The following PID1 variants were observed in gnomAD, a reference collection of about 807,000 sequenced individuals.
The protein encoded by PID1 is phosphotyrosine interaction domain containing 1.
PID1 carries 10 observed loss-of-function variants against 19.1 expected under a neutral mutation model. That is an observed-to-expected ratio of 0.52 (90% CI 0.32 to 0.89). The LOEUF is 0.89. Among genes scored for constraint, PID1 ranks in the 40% least tolerant of loss-of-function variants. PID1 has a pLI of 0.03. For synonymous variants in PID1, 130 were observed against 116.0 expected (o/e 1.12, Z -0.78); for missense variants, 248 against 285.3 (o/e 0.87, Z 0.94).
chr2:229,064,226 G>A (rs1217740058), intron 2 of PID1, among the ~76,000 whole-genome samples: 1 of 152,130 alleles, frequency 6.6e-6, no homozygotes, highest in African/African-American at 2.4e-5. Flanking sequence ...AGAGGCTATT[G>A]CAGTAGTTAC....
At chr2:229,065,604 C>G (rs1056755343) in intron 2 of PID1, among the ~76,000 whole-genome samples, 6 of 148,020 alleles carry the variant, frequency 4.1e-5, no homozygotes, top group Non-Finnish European at 8.9e-5. Flanking sequence ...CAATTAAAAC[C>G]ATAAGGGAGC....
chr2:229,165,176 T>A (rs1191632933), intron 1 of PID1, among the ~76,000 whole-genome samples: 1 of 152,144 alleles, frequency 6.6e-6, no homozygotes, highest in African/African-American at 2.4e-5. Context: ...AAAGGAAGAT[T>A]CAAAGGATCA....
At position 229,116,718 on chromosome 2, in the gene PID1, G is replaced by A. The variant is rs1574642069; in HGVS notation, c.177+39100C>T. Among the ~76,000 whole-genome samples, 6 of 152,278 alleles carry A rather than the reference G, an allele frequency of 3.9e-5. No homozygotes were observed. The South Asian group carries it at 1.2e-3, about 32-fold the overall frequency. On this transcript the variant is annotated intron_variant, in intron 2 of 2. Transcript: ENST00000392055. ...CCCAACCATGCAGAACTGTGAGTCAGTTAAACCTCTTTCCTTTATAAATTA... is the reference window on the plus strand; with the variant it reads ...CCCAACCATGCAGAACTGTGAGTCAATTAAACCTCTTTCCTTTATAAATTA...
At chr2:229,135,076 GAGGAGGGAAAGATGTGAGAAAGGA>G (rs1287325786) in intron 2 of PID1, among the ~76,000 whole-genome samples, 3 of 152,186 alleles carry the variant, frequency 2.0e-5, no homozygotes, top group Non-Finnish European at 2.9e-5. Context: ...GGAAAGAGAA[GAGGAGGGAAAGATGTGAGAAAGGA>G]AGGAGGGAAT....
intron 2 of PID1, among the ~76,000 whole-genome samples, chr2:229,126,655 T>C (rs577341627): frequency 1.3e-5 from 2 of 152,170 alleles, no homozygotes; most frequent in African/African-American, 4.8e-5. Context: ...CAGAAGAGAG[T>C]ACATACAAAT....
At chr2:229,072,781 C>T (rs1694483635) in intron 2 of PID1, among the ~76,000 whole-genome samples, 1 of 152,102 alleles carries the variant, frequency 6.6e-6, no homozygotes, top group Non-Finnish European at 1.5e-5. Context: ...GCTTTATGTG[C>T]CCCCATGAAC....
At chr2:229,034,075 C>T (rs949866271) in intron 2 of PID1, among the ~76,000 whole-genome samples, 3 of 152,136 alleles carry the variant, frequency 2.0e-5, no homozygotes, top group African/African-American at 4.8e-5. Flanking sequence ...AACACTGACT[C>T]GATAATTATG....
At chr2:229,048,721 T>C (rs1693932936) in intron 2 of PID1, among the ~76,000 whole-genome samples, 1 of 152,224 alleles carries the variant, frequency 6.6e-6, no homozygotes, top group South Asian at 2.1e-4. Context: ...TTAACTTTTC[T>C]AAATGTAAAA....
chr2:229,126,764 A>T (rs1695630790), intron 2 of PID1, among the ~76,000 whole-genome samples: 1 of 152,250 alleles, frequency 6.6e-6, no homozygotes, highest in Non-Finnish European at 1.5e-5. Context: ...AATCCCAGTC[A>T]GCTAGCCACA....
Position 229,155,929 on chromosome 2 carries a change from G to A in PID1, c.66C>T (p.Val22=). The A allele has an allele frequency of 6.2e-7, 1 of 1,613,974 alleles. No homozygotes were observed. Among genetic ancestry groups the A allele is most frequent in the East Asian group, 2.2e-5 (1 of 44,880 alleles). The part of the protein sequence containing the change: ...FQTMLKSKLN[V]LTLKKEPLPA... ...GGAGAGGTTCCTTTTTCAGTGTTAA[G>A]ACATTCAATTTAGACTTCAGCATGG... The change falls in exon 2 of 3, where the codon GTC becomes GTT. Residue 22 remains valine (V), a synonymous_variant. Transcript: ENST00000392055.
At chr2:229,170,957 C>G (rs549676058) in intron 1 of PID1, among the ~76,000 whole-genome samples, 59 of 152,266 alleles carry the variant, frequency 3.9e-4, no homozygotes, top group African/African-American at 1.4e-3. Context: ...ATTTAGAAAC[C>G]AGACCAAATG....
rs1281758475 is a variant in PID1, at chr2:229,033,096, T to G, written c.178-6988A>C. Among the ~76,000 whole-genome samples the G allele has an allele frequency of 1.3e-5, 2 of 152,174 alleles. 1 individual carries two copies. On this transcript the variant is annotated intron_variant, in intron 2 of 2. Coordinates refer to ENST00000392055, the MANE Select transcript of PID1 (RefSeq NM_001100818.2). ...TATCCTTCTGGTTGAGCAGTACCAT[T>G]TGTTTCCCCTGGTGGCCGGTCGCTA... is the stretch of plus-strand genomic sequence containing the variant.
intron 2 of PID1, among the ~76,000 whole-genome samples, chr2:229,032,996 C>T (rs1238766648): frequency 6.6e-6 from 1 of 152,148 alleles, no homozygotes; most frequent in Admixed American, 6.5e-5. Context: ...TTTTCCAACA[C>T]CCCAGCCAGC....
rs142556071 is a variant in PID1 at position 229,112,056 on chromosome 2, G to A, written c.177+43762C>T. On this transcript the variant is annotated intron_variant, in intron 2 of 2. Coordinates refer to ENST00000392055, the MANE Select transcript of PID1 (RefSeq NM_001100818.2). ...CTGCACGACAGTAAATTAGCACATC[G>A]CTCCAATTATTGGATAGCATGTGAT... Among the ~76,000 whole-genome samples, 190 of 152,288 alleles carry A rather than the reference G, an allele frequency of 1.2e-3. 2 individuals carry two copies. The highest frequency in any genetic ancestry group is 4.0e-3 in the African/African-American group (166 of 41,544).
At chr2:229,130,978 C>T (rs1689727275) in intron 2 of PID1, among the ~76,000 whole-genome samples, 1 of 152,148 alleles carries the variant, frequency 6.6e-6, no homozygotes, top group South Asian at 2.1e-4. Context: ...GGGTGCACGC[C>T]TGTGCCCAAA....
At chr2:229,099,353 C>T (rs1471848840) in intron 2 of PID1, among the ~76,000 whole-genome samples, 3 of 152,082 alleles carry the variant, frequency 2.0e-5, no homozygotes, top group Non-Finnish European at 2.9e-5. Flanking sequence ...TTTCATCAAC[C>T]ACTTTACATA....
At chr2:229,181,270 G>A (rs1326298937) in intron 1 of PID1, among the ~76,000 whole-genome samples, 3 of 152,142 alleles carry the variant, frequency 2.0e-5, no homozygotes, top group Non-Finnish European at 4.4e-5. Context: ...ATGAGGCCCC[G>A]AAGGGAGAAA....
chr2:229,062,754 G>A (rs571051593), intron 2 of PID1, among the ~76,000 whole-genome samples: 11 of 152,054 alleles, frequency 7.2e-5, no homozygotes, highest in Middle Eastern at 3.4e-3. Flanking sequence ...AAAGTCGTCT[G>A]GCCCTGGGCT....
At chr2:229,143,112 C>T (rs1433075426) in intron 2 of PID1, among the ~76,000 whole-genome samples, 10 of 148,214 alleles carry the variant, frequency 6.7e-5, no homozygotes, top group Admixed American at 1.4e-4. Flanking sequence ...AACCAAACAC[C>T]GCATATTCTC....
Sources: allele counts gnomAD v4.1 joint callset (sites outside exome capture counted in the v4.1 genomes callset), GRCh38; gene constraint gnomAD v4.1.1; transcripts MANE v1.5; gene names NCBI Gene and HGNC (gene_info 2026-07-23, HGNC 2026-07-21).